POFUT3: variants seen among roughly 807,000 people sequenced by gnomAD.
POFUT3 encodes the protein GDP-fucose protein O-fucosyltransferase 3.
At chr8:33,450,748 A>T in the POFUT3 span, among the ~76,000 whole-genome samples, 89,524 of 151,924 alleles carry the variant, frequency 0.59, 26,660 homozygotes, top group African/African-American at 0.63. Flanking sequence ...TAGAAGGTCA[A>T]ACCAGAAGTC....
At chr8:33,472,275 C>T in the POFUT3 span, among the ~76,000 whole-genome samples, 2,407 of 152,296 alleles carry the variant, frequency 0.016, 78 homozygotes, top group African/African-American at 0.055. Context: ...TTGCAGGGAG[C>T]TGCAGCAGGG....
chr8:33,335,111 A>G, the POFUT3 span, among the ~76,000 whole-genome samples: 4 of 151,870 alleles, frequency 2.6e-5, no homozygotes. Context: ...TGGTATGCTG[A>G]TATATGTTTA....
the POFUT3 span, among the ~76,000 whole-genome samples, chr8:33,395,506 G>A: frequency 4.6e-5 from 7 of 151,926 alleles, no homozygotes; most frequent in East Asian, 2.0e-4. Flanking sequence ...TCATCTTTCC[G>A]CTCTATCCCC....
the POFUT3 span, chr8:33,361,250 C>T: frequency 6.6e-6 from 1 of 152,110 alleles, no homozygotes; most frequent in Non-Finnish European, 1.5e-5. Flanking sequence ...TATTTTCATC[C>T]CCCAAGTCAG....
chr8:33,321,133 A>T, the POFUT3 span, among the ~76,000 whole-genome samples: 151 of 152,198 alleles, frequency 9.9e-4, 1 homozygote, highest in Middle Eastern at 6.8e-3. Context: ...AAAGTCCAGA[A>T]TCTCATCATC....
chr8:33,396,615 A>T, the POFUT3 span, among the ~76,000 whole-genome samples: 1 of 152,204 alleles, frequency 6.6e-6, no homozygotes, highest in East Asian at 1.9e-4. Context: ...TTATTTAAGA[A>T]GGAAAAATTG....
chr8:33,310,124 ATCTGACT>A, the POFUT3 span, among the ~76,000 whole-genome samples: 1 of 152,140 alleles, frequency 6.6e-6, no homozygotes, highest in Non-Finnish European at 1.5e-5. Flanking sequence ...TAAAAATCTG[ATCTGACT>A]TCTATCTTTG....
the POFUT3 span, among the ~76,000 whole-genome samples, chr8:33,326,785 T>C: frequency 7.1e-6 from 1 of 139,908 alleles, no homozygotes; most frequent in African/African-American, 2.7e-5. Context: ...TTTTCGTTTG[T>C]CTGTTTGTTT....
At chr8:33,429,403 A>G in the POFUT3 span, among the ~76,000 whole-genome samples, 2 of 152,324 alleles carry the variant, frequency 1.3e-5, no homozygotes, top group Non-Finnish European at 2.9e-5. Context: ...CGTTGTGCAT[A>G]AAGACAGAAG....
the POFUT3 span, among the ~76,000 whole-genome samples, chr8:33,356,837 T>C: frequency 2.8e-4 from 42 of 152,190 alleles, no homozygotes; most frequent in African/African-American, 8.7e-4. Flanking sequence ...CCATCTTGAA[T>C]TAATTTTTGT....
chr8:33,325,975 G>A, the POFUT3 span, among the ~76,000 whole-genome samples: 3 of 152,096 alleles, frequency 2.0e-5, no homozygotes, highest in Admixed American at 1.3e-4. Flanking sequence ...TGTTCACTAG[G>A]CAGACCACAG....
the POFUT3 span, among the ~76,000 whole-genome samples, chr8:33,328,903 C>T: frequency 6.0e-4 from 91 of 152,306 alleles, no homozygotes; most frequent in Non-Finnish European, 1.0e-3. Flanking sequence ...GGCAGACACC[C>T]ATCCATCAGT....
chr8:33,461,880 C>T, the POFUT3 span, among the ~76,000 whole-genome samples: 1 of 151,826 alleles, frequency 6.6e-6, no homozygotes, highest in Non-Finnish European at 1.5e-5. Flanking sequence ...GAAATCAAGG[C>T]TGGGCGTGAT....
At chr8:33,405,217 C>T in the POFUT3 span, among the ~76,000 whole-genome samples, 2 of 151,786 alleles carry the variant, frequency 1.3e-5, no homozygotes, top group South Asian at 2.1e-4. Flanking sequence ...CACTTGAACC[C>T]GGGAGGCAGA....
the POFUT3 span, among the ~76,000 whole-genome samples, chr8:33,433,616 A>T: frequency 6.7e-6 from 1 of 150,226 alleles, no homozygotes; most frequent in Non-Finnish European, 1.5e-5. Flanking sequence ...CGTCTCAAAA[A>T]AAAAAAAAAA....
the POFUT3 span, among the ~76,000 whole-genome samples, chr8:33,425,825 C>G: frequency 6.7e-6 from 1 of 150,372 alleles, no homozygotes; most frequent in South Asian, 2.1e-4. Context: ...ACTCAGGAGG[C>G]TGAGGCACAA....
chr8:33,370,554 T>G, the POFUT3 span, among the ~76,000 whole-genome samples: 1 of 152,184 alleles, frequency 6.6e-6, no homozygotes, highest in Non-Finnish European at 1.5e-5. Context: ...TCAACACAGA[T>G]TAATGATTTT....
At chr8:33,319,460 AT>A in the POFUT3 span, among the ~76,000 whole-genome samples, 25 of 28,278 alleles carry the variant, frequency 8.8e-4, 1 homozygote, top group East Asian at 5.9e-3. Context: ...TAATATATAA[AT>A]GTATATATTT....
the POFUT3 span, among the ~76,000 whole-genome samples, chr8:33,339,187 A>G: frequency 6.6e-6 from 1 of 152,350 alleles, no homozygotes; most frequent in East Asian, 1.9e-4. Context: ...AAGTGAAAAA[A>G]TAGTAAATTT....
Sources: allele counts gnomAD v4.1 joint callset (sites outside exome capture counted in the v4.1 genomes callset), GRCh38; gene constraint gnomAD v4.1.1; transcripts MANE v1.5; gene names NCBI Gene and HGNC (gene_info 2026-07-23, HGNC 2026-07-21).